The following FSD1L variants were observed in gnomAD, a reference collection of about 807,000 sequenced individuals.
FSD1L encodes the protein FSD1-like protein.
A neutral mutation model predicts 71.6 loss-of-function variants in FSD1L; 45 were observed. That is an observed-to-expected ratio of 0.63 (90% CI 0.49 to 0.81). The LOEUF is 0.81. Among genes scored for constraint, FSD1L ranks in the 30% least tolerant of loss-of-function variants. The pLI, the probability that FSD1L is intolerant of heterozygous loss-of-function variation, is 0.00. For missense variants in FSD1L, 561 were observed against 618.1 expected, an observed-to-expected ratio of 0.91 and a Z score of 0.98; for synonymous variants, 197 against 207.2, an observed-to-expected ratio of 0.95 and a Z score of 0.42.
chr9:105,457,612 T>A (rs1830434629), intron 1 of FSD1L, among the ~76,000 whole-genome samples: 1 of 152,264 alleles, frequency 6.6e-6, no homozygotes. Context: ...CTTAACCAGC[T>A]AGAAACCTCT....
chr9:105,449,123 T>C (rs1438944945), intron 1 of FSD1L, among the ~76,000 whole-genome samples: 1 of 152,160 alleles, frequency 6.6e-6, no homozygotes, highest in African/African-American at 2.4e-5. Flanking sequence ...AACAAAGACA[T>C]ATCTAAGAGA....
chr9:105,464,690 G>A (rs1830940413), intron 3 of FSD1L, among the ~76,000 whole-genome samples: 1 of 152,028 alleles, frequency 6.6e-6, no homozygotes, highest in Non-Finnish European at 1.5e-5. Flanking sequence ...AAAAATTTTG[G>A]CTACGTGTGA....
At chr9:105,523,549 C>G in intron 10 of FSD1L, 6 of 1,612,594 alleles carry the variant, frequency 3.7e-6, no homozygotes, top group Non-Finnish European at 5.1e-6. Context: ...CAGAATCTAG[C>G]TAAGATTAGA....
chr9:105,446,711 C>CTTTT (rs59960095), upstream of FSD1L, among the ~76,000 whole-genome samples: 145 of 139,084 alleles, frequency 1.0e-3, 2 homozygotes, highest in Admixed American at 3.0e-3. Flanking sequence ...AGCACGTTAA[C>CTTTT]TTTTTTTTTT....
chr9:105,519,462 C>T (rs770784866), intron 10 of FSD1L, among the ~76,000 whole-genome samples: 8 of 152,154 alleles, frequency 5.3e-5, no homozygotes, highest in Non-Finnish European at 1.0e-4. Context: ...ACAATCAAGT[C>T]GGCTTCATCC....
intron 10 of FSD1L, chr9:105,521,715 A>G: frequency 6.2e-7 from 1 of 1,613,508 alleles, no homozygotes; most frequent in Non-Finnish European, 8.5e-7. Context: ...AAATGGGACC[A>G]ATACTGCTGA....
In FSD1L at chr9:105,474,961, G is replaced by C. The variant is rs77729065; in HGVS notation, c.441+2956G>C. Among the ~76,000 whole-genome samples, 1,387 of 152,256 alleles carry C rather than the reference G, an allele frequency of 9.1e-3. 22 individuals carry two copies. The highest frequency in any genetic ancestry group is 0.032 in the African/African-American group (1,328 of 41,548). On this transcript the variant is annotated intron_variant, in intron 5 of 13. Transcript: ENST00000481272. ...TTTTTTAACTGCTAGAAGTTTGGTT[G>C]GTAGTAAATTTATGCAGACGGATCA...
At chr9:105,524,842 C>T in intron 10 of FSD1L, 1 of 1,591,696 alleles carries the variant, frequency 6.3e-7, no homozygotes, top group Non-Finnish European at 8.6e-7. Context: ...GCTATGCTAA[C>T]AAGTCAGGTG....
intron 7 of FSD1L, among the ~76,000 whole-genome samples, chr9:105,495,652 C>T (rs1833331898): frequency 6.6e-6 from 1 of 152,118 alleles, no homozygotes; most frequent in Non-Finnish European, 1.5e-5. Context: ...GGCTCCAGCT[C>T]GGGTTGTTTC....
At chr9:105,539,442 G>T (rs775904670) in intron 13 of FSD1L, 91 bp downstream of exon 13, 7 of 467,690 alleles carry the variant, frequency 1.5e-5, no homozygotes, top group Non-Finnish European at 2.5e-5. Context: ...ATTTGGAGAA[G>T]GAGAATATTT....
chr9:105,515,793 T>G (rs1352799592), intron 10 of FSD1L, among the ~76,000 whole-genome samples: 2 of 151,764 alleles, frequency 1.3e-5, no homozygotes, highest in African/African-American at 4.8e-5. Context: ...AGAAGGTTTT[T>G]TTTTTTTTTT....
intron 7 of FSD1L, among the ~76,000 whole-genome samples, chr9:105,496,261 T>A (rs1331192464): frequency 1.4e-5 from 2 of 146,210 alleles, no homozygotes; most frequent in African/African-American, 5.1e-5. Flanking sequence ...TGGAGTGCAG[T>A]GGCACAATCT....
intron 2 of FSD1L, 93 bp from the exon 3 acceptor site, chr9:105,464,143 C>T: frequency 1.5e-6 from 1 of 680,878 alleles, no homozygotes; most frequent in Non-Finnish European, 2.5e-6. Context: ...ATACAATATA[C>T]TCTTACATAA....
chr9:105,495,772 C>T (rs377691162), intron 7 of FSD1L, among the ~76,000 whole-genome samples: 3 of 152,204 alleles, frequency 2.0e-5, no homozygotes, highest in Non-Finnish European at 2.9e-5. Context: ...GTCAGGAGAT[C>T]GAGACCATCC....
At chr9:105,483,947 G>A (rs1832371867) in intron 6 of FSD1L, among the ~76,000 whole-genome samples, 1 of 151,996 alleles carries the variant, frequency 6.6e-6, no homozygotes, top group African/African-American at 2.4e-5. Flanking sequence ...TTATTACTAG[G>A]GAGAATATTT....
intron 7 of FSD1L, among the ~76,000 whole-genome samples, chr9:105,486,129 C>G (rs1832535847): frequency 6.6e-6 from 1 of 152,014 alleles, no homozygotes; most frequent in Admixed American, 6.6e-5. Flanking sequence ...ATTAGAAGCT[C>G]TAGAGGAGTT....
chr9:105,525,310 T>A (rs902642285), intron 10 of FSD1L: 3 of 1,608,304 alleles, frequency 1.9e-6, no homozygotes, highest in Non-Finnish European at 2.5e-6. Flanking sequence ...CTTGCAGTAT[T>A]TGGGTGTTAC....
intron 1 of FSD1L, among the ~76,000 whole-genome samples, chr9:105,456,737 G>T (rs1830380305): frequency 6.6e-6 from 1 of 152,202 alleles, no homozygotes; most frequent in Non-Finnish European, 1.5e-5. Flanking sequence ...TGCTGAGATT[G>T]CCTGTGCAGA....
chr9:105,523,784 T>C (rs1835333573), intron 10 of FSD1L: 3 of 1,598,084 alleles, frequency 1.9e-6, no homozygotes, highest in Non-Finnish European at 2.6e-6. Flanking sequence ...ATATAATGCA[T>C]TGTGGATTAC....
Sources: allele counts gnomAD v4.1 joint callset (sites outside exome capture counted in the v4.1 genomes callset), GRCh38; gene constraint gnomAD v4.1.1; transcripts MANE v1.5; gene names NCBI Gene and HGNC (gene_info 2026-07-23, HGNC 2026-07-21).